MTUS1: variants seen among roughly 807,000 people sequenced by gnomAD.
MTUS1 encodes microtubule associated scaffold protein 1, also known as microtubule-associated tumor suppressor 1.
In MTUS1, 109 loss-of-function variants were observed where a neutral mutation model predicts 120.8. The observed-to-expected ratio is 0.90, with a 90% CI of 0.77 to 1.06. The LOEUF is 1.06. Ranked by LOEUF, MTUS1 falls within the 50% of genes least tolerant of loss-of-function variation. The pLI, the probability that MTUS1 is intolerant of heterozygous loss-of-function variation, is 0.00. For synonymous variants in MTUS1, 737 were observed against 550.5 expected (o/e 1.34, Z -4.74); for missense variants, 2,210 against 1,486.3 (o/e 1.49, Z -8.01).
chr8:17,762,636 T>A (rs2049132960), intron 1 of MTUS1, among the ~76,000 whole-genome samples: 2 of 152,240 alleles, frequency 1.3e-5, no homozygotes, highest in Admixed American at 1.3e-4. Context: ...TAGAGTTGAT[T>A]TAATGCATTT....
chr8:17,796,822 C>T (rs897799965), intron 1 of MTUS1, among the ~76,000 whole-genome samples: 14 of 152,098 alleles, frequency 9.2e-5, no homozygotes, highest in Middle Eastern at 3.4e-3. Flanking sequence ...ATTTTTAGGC[C>T]GGACTTTTAG....
At chr8:17,662,147 T>C (rs564114033) in intron 8 of MTUS1, among the ~76,000 whole-genome samples, 2 of 152,080 alleles carry the variant, frequency 1.3e-5, no homozygotes, top group South Asian at 2.1e-4. Context: ...GTGCCACCTG[T>C]GTGTGCTCTC....
intron 1 of MTUS1, among the ~76,000 whole-genome samples, chr8:17,771,662 G>A (rs1421872410): frequency 6.6e-6 from 1 of 152,186 alleles, no homozygotes; most frequent in South Asian, 2.1e-4. Flanking sequence ...CAAGCAGGCA[G>A]TCTACGCATG....
At chr8:17,778,135 A>G (rs955677748) in intron 1 of MTUS1, among the ~76,000 whole-genome samples, 3 of 152,188 alleles carry the variant, frequency 2.0e-5, no homozygotes, top group Admixed American at 6.5e-5. Flanking sequence ...AATGTCCATC[A>G]CGGGTAGATT....
chr8:17,704,716 T>C (rs1298469574), intron 6 of MTUS1, among the ~76,000 whole-genome samples: 1 of 152,136 alleles, frequency 6.6e-6, no homozygotes, highest in African/African-American at 2.4e-5. Flanking sequence ...TCCAGCTTTG[T>C]TCTTTGTCAA....
intron 8 of MTUS1, chr8:17,664,072 G>A (rs575992210): frequency 1.4e-4 from 22 of 152,244 alleles, no homozygotes; most frequent in African/African-American, 5.1e-4. Flanking sequence ...GAAGACTCCT[G>A]GAAGACAGGC....
chr8:17,731,012 G>A (rs1396375621), intron 3 of MTUS1, among the ~76,000 whole-genome samples: 1 of 152,028 alleles, frequency 6.6e-6, no homozygotes, highest in Non-Finnish European at 1.5e-5. Context: ...TAAAAACAAG[G>A]AACTTGTGCA....
In MTUS1 at chr8:17,715,706, C is replaced by T. The variant is rs1486067042; in HGVS notation, c.2584+61G>A. ...AACCTAATTGTCAAAATTTAACTTTCTACAAGCCAAGGACTTTAAGCGTCT... is the reference window on the plus strand; with the variant it reads ...AACCTAATTGTCAAAATTTAACTTTTTACAAGCCAAGGACTTTAAGCGTCT... On this transcript the variant is annotated intron_variant, in intron 5 of 14. Transcript: ENST00000693296. The T allele has an allele frequency of 2.6e-6, 4 of 1,516,096 alleles. No individual in the cohort carries two copies. In the East Asian group the frequency reaches 9.2e-5, roughly 35 times the overall value. 93.9% of individuals were successfully genotyped at this position (1,516,096 alleles called of 1,614,324 possible).
chr8:17,783,865 C>T (rs559738281), intron 1 of MTUS1, among the ~76,000 whole-genome samples: 1 of 152,266 alleles, frequency 6.6e-6, no homozygotes, highest in South Asian at 2.1e-4. Context: ...CTGACAGTGG[C>T]CCGGACCACC....
chr8:17,740,157 G>C (rs1041987840), intron 3 of MTUS1, among the ~76,000 whole-genome samples: 1 of 151,574 alleles, frequency 6.6e-6, no homozygotes, highest in Non-Finnish European at 1.5e-5. Context: ...GCAGTGATCC[G>C]AGATTGCACC....
At position 17,674,571 on chromosome 8, in the gene MTUS1, A is replaced by G. The variant is rs1219542867; in HGVS notation, c.2905+615T>C. The G allele has an allele frequency of 4.1e-6, 4 of 985,902 alleles. No individual in the cohort carries two copies. In the East Asian group the frequency reaches 3.4e-4, roughly 84 times the overall value. 61.1% of individuals were successfully genotyped at this position (985,902 alleles called of 1,614,324 possible). A position where few individuals can be genotyped will look rare whatever the true frequency, so the allele number is the denominator to read the frequency against. ...CTGGAGGGCTGGGTGGTGGGTGTTGAGACCTGGAAACTGCAGGGCTGGGTG... is the reference window on the plus strand; with the variant it reads ...CTGGAGGGCTGGGTGGTGGGTGTTGGGACCTGGAAACTGCAGGGCTGGGTG... On this transcript the variant is annotated intron_variant, in intron 8 of 14. Transcript: ENST00000693296.
chr8:17,706,604 A>C (rs1001299137), intron 6 of MTUS1, among the ~76,000 whole-genome samples: 1 of 152,232 alleles, frequency 6.6e-6, no homozygotes, highest in African/African-American at 2.4e-5. Flanking sequence ...AATGATATGA[A>C]GCTTTTGGAA....
chr8:17,661,936 G>A (rs578226797), intron 8 of MTUS1, among the ~76,000 whole-genome samples: 11 of 152,156 alleles, frequency 7.2e-5, no homozygotes, highest in Non-Finnish European at 1.2e-4. Flanking sequence ...CCTGGGCTGC[G>A]AAGGAAACAT....
At position 17,754,341 on chromosome 8, in the gene MTUS1, T is replaced by C. The variant is rs759210014; in HGVS notation, c.1467A>G (p.Pro489=). ...CAGTTTTTCTAACTTTGCAGCCTAT[T>C]GGGGTATTCGTTTTGATTGTTGATT... ...LGKSTIKTNT[P]IGCKVRKTEI... The change falls in exon 2 of 15, where the codon CCA becomes CCG. Residue 489 remains proline (P), a synonymous_variant. Transcript: ENST00000693296. 3 of 1,614,174 alleles carry C rather than the reference T, an allele frequency of 1.9e-6. No homozygotes were observed. In the South Asian group the frequency reaches 3.3e-5, roughly 18 times the overall value.
intron 1 of MTUS1, among the ~76,000 whole-genome samples, chr8:17,772,899 T>G (rs1013899617): frequency 6.6e-6 from 1 of 152,130 alleles, no homozygotes; most frequent in African/African-American, 2.4e-5. Context: ...TGGAAAAGAC[T>G]TGAAGATTAT....
intron 2 of MTUS1, among the ~76,000 whole-genome samples, chr8:17,746,862 T>G (rs1326287497): frequency 6.6e-6 from 1 of 152,178 alleles, no homozygotes; most frequent in African/African-American, 2.4e-5. Context: ...CATGAAGCAT[T>G]TTCTAAAATT....
intron 6 of MTUS1, chr8:17,704,310 T>C (rs946605617): frequency 6.6e-6 from 1 of 152,234 alleles, no homozygotes; most frequent in Non-Finnish European, 1.5e-5. Context: ...AACCTGTCTA[T>C]TTTTGCTTTT....
chr8:17,738,175 C>A (rs1245595381), intron 3 of MTUS1, among the ~76,000 whole-genome samples: 1 of 152,110 alleles, frequency 6.6e-6, no homozygotes, highest in African/African-American at 2.4e-5. Context: ...AGAAGAAAAC[C>A]AAAAACCATC....
At position 17,656,049 on chromosome 8, in the gene MTUS1, GGTGGTTGAAGCA is replaced by G; in HGVS notation, c.2910_2921del (p.Ala971_Thr974del). On this transcript the variant is annotated inframe_deletion, in exon 9 of 15. Coordinates refer to ENST00000693296, the MANE Select transcript of MTUS1 (RefSeq NM_001363059.2). ...TCCTGGCTTTTTCTAATTTCTCACAGGTGGTTGAAGCAGTGACTGAAAACAGAGGAGAAAGAA... is the reference window on the plus strand; with the variant it reads ...TCCTGGCTTTTTCTAATTTCTCACAGGTGACTGAAAACAGAGGAGAAAGAA... The G allele has an allele frequency of 6.2e-7, 1 of 1,614,172 alleles. No homozygotes were observed. The highest frequency in any genetic ancestry group is 8.5e-7 in the Non-Finnish European group (1 of 1,180,026).
Sources: allele counts gnomAD v4.1 joint callset (sites outside exome capture counted in the v4.1 genomes callset), GRCh38; gene constraint gnomAD v4.1.1; transcripts MANE v1.5; gene names NCBI Gene and HGNC (gene_info 2026-07-23, HGNC 2026-07-21).